Variants in EPHX2 observed in about 807,000 individuals in gnomAD.
EPHX2 encodes the protein epoxide hydrolase 2, also known as bifunctional epoxide hydrolase 2.
EPHX2 carries 74 observed loss-of-function variants against 78.7 expected under a neutral mutation model. The ratio of observed to expected loss-of-function variants is 0.94; its 90% CI spans 0.78 to 1.14. EPHX2 has a LOEUF of 1.14. Ranked by LOEUF, EPHX2 falls within the 50% of genes most tolerant of loss-of-function variation. The probability of loss-of-function intolerance (pLI) is 0.00; values close to 1 mark genes in which losing one functional copy is unlikely to be tolerated. For missense variants in EPHX2, 715 were observed against 702.5 expected, an observed-to-expected ratio of 1.02 and a Z score of -0.20; for synonymous variants, 251 against 255.2, an observed-to-expected ratio of 0.98 and a Z score of 0.16.
At chr8:27,541,652 T>A in intron 16 of EPHX2, 110 bp downstream of exon 16, 1 of 1,120,046 alleles carries the variant, frequency 8.9e-7, no homozygotes, top group Non-Finnish European at 1.3e-6. Context: ...TGGACAGATC[T>A]GCTGGCCACC....
chr8:27,492,774 G>A (rs1429554278), intron 1 of EPHX2: 42 of 162,688 alleles, frequency 2.6e-4, no homozygotes, highest in African/African-American at 2.6e-4. Context: ...CTGATTGTGC[G>A]TTTTACAGAG....
chr8:27,531,742 A>G (rs1165259645), intron 12 of EPHX2, among the ~76,000 whole-genome samples: 4 of 152,198 alleles, frequency 2.6e-5, no homozygotes, highest in Admixed American at 1.3e-4. Flanking sequence ...CCACAAAACA[A>G]TAGCCACAGT....
chr8:27,524,755 C>T (rs1001559628), intron 11 of EPHX2, among the ~76,000 whole-genome samples: 4 of 152,160 alleles, frequency 2.6e-5, no homozygotes, highest in Non-Finnish European at 5.9e-5. Context: ...ATGCCCAGTT[C>T]AGGAATTCCT....
At chr8:27,532,995 A>G (rs1355725325) in intron 12 of EPHX2, among the ~76,000 whole-genome samples, 3 of 152,040 alleles carry the variant, frequency 2.0e-5, no homozygotes, top group Non-Finnish European at 4.4e-5. Context: ...CACACATGTA[A>G]TCCCAGCTCC....
At chr8:27,514,358 C>A (rs1814372646) in intron 6 of EPHX2, among the ~76,000 whole-genome samples, 1 of 152,202 alleles carries the variant, frequency 6.6e-6, no homozygotes, top group Non-Finnish European at 1.5e-5. Flanking sequence ...TTGGAGTCAT[C>A]TAACATACAG....
chr8:27,516,311 G>C lies in EPHX2; in HGVS notation c.832-9G>C, dbSNP rs757105296. The C allele has an allele frequency of 6.2e-7, 1 of 1,613,476 alleles. No homozygotes were observed. Among genetic ancestry groups the C allele is most frequent in the Non-Finnish European group, 8.5e-7 (1 of 1,179,470 alleles). On this transcript the variant is annotated splice_polypyrimidine_tract_variant and intron_variant, in intron 7 of 18. Transcript: ENST00000521400. ...GGACCATGCTGGAGTGTGCCTGTTT[G>C]TTTTCTAGATCCCTGCTCTGGCCCA...
At chr8:27,548,203 C>G (rs1815605381), downstream of EPHX2, among the ~76,000 whole-genome samples, 1 of 152,242 alleles carries the variant, frequency 6.6e-6, no homozygotes, top group African/African-American at 2.4e-5. Context: ...CTATTTCTGT[C>G]TGTCTTGGGG....
chr8:27,540,805 G>A (rs1202661437), intron 15 of EPHX2, 149 bp downstream of exon 15: 20 of 694,474 alleles, frequency 2.9e-5, no homozygotes, highest in Middle Eastern at 3.1e-4. Context: ...CTCCAGTGTC[G>A]GGAGGCTCAC....
chr8:27,530,068 T>TC (rs917298830), intron 12 of EPHX2, among the ~76,000 whole-genome samples: 21 of 74,502 alleles, frequency 2.8e-4, no homozygotes, highest in Non-Finnish European at 4.2e-4. Flanking sequence ...TCTCTCTCTC[T>TC]TTTTTTTTTT....
Position 27,520,925 on chromosome 8 carries a change from G to C in EPHX2, c.972+16G>C, listed in dbSNP as rs1206839316. ...GGATAAACTGGTAAGTCATTATTTT[G>C]AACTGATATCTTTGGAGAATTCCTT... is the stretch of plus-strand genomic sequence containing the variant. On this transcript the variant is annotated intron_variant, in intron 10 of 18. Transcript: ENST00000521400. 4 of 1,613,928 alleles carry C rather than the reference G, an allele frequency of 2.5e-6. No homozygotes were observed. Among genetic ancestry groups the C allele is most frequent in the Non-Finnish European group, 3.4e-6 (4 of 1,179,920 alleles).
At chr8:27,546,431 C>T (rs906382787), downstream of EPHX2, among the ~76,000 whole-genome samples, 27 of 152,166 alleles carry the variant, frequency 1.8e-4, no homozygotes, top group Non-Finnish European at 3.5e-4. Flanking sequence ...TTTCCATTTC[C>T]AGCCATGCCA....
intron 12 of EPHX2, among the ~76,000 whole-genome samples, chr8:27,535,673 T>C (rs1042005606): frequency 7.2e-5 from 11 of 152,122 alleles, no homozygotes; most frequent in Non-Finnish European, 1.6e-4. Context: ...GTAGGATCCA[T>C]GGATGGATCT....
At chr8:27,497,820 G>C (rs1331328978) in intron 1 of EPHX2, among the ~76,000 whole-genome samples, 2 of 152,146 alleles carry the variant, frequency 1.3e-5, no homozygotes, top group Non-Finnish European at 2.9e-5. Context: ...TAGTCCTTCT[G>C]GAAGACAGGT....
At position 27,515,765 on chromosome 8, in the gene EPHX2, G is replaced by A. The variant is rs1439816982; in HGVS notation, c.783G>A (p.Val261=). The A allele has an allele frequency of 1.2e-6, 2 of 1,614,026 alleles. No individual in the cohort carries two copies. The highest frequency in any genetic ancestry group is 3.3e-5 in the Admixed American group (2 of 60,012). Reference sequence around the variant, plus strand: ...TGGAGCTGGGCTCCGGCCCTGCTGTGTGCCTCTGCCATGGATTTCCCGAGA... The same window carrying A: ...TGGAGCTGGGCTCCGGCCCTGCTGTATGCCTCTGCCATGGATTTCCCGAGA... ...HFVELGSGPA[V]CLCHGFPESW... Residue 261 remains valine, a synonymous_variant, in exon 7 of 19, where the codon GTG becomes GTA. Coordinates refer to ENST00000521400, the MANE Select transcript of EPHX2 (RefSeq NM_001979.6).
intron 1 of EPHX2, among the ~76,000 whole-genome samples, chr8:27,491,844 A>G (rs754764035): frequency 4.6e-5 from 7 of 152,320 alleles, no homozygotes; most frequent in Middle Eastern, 3.4e-3. Flanking sequence ...GGTTTCAGCT[A>G]TGGAAAAAAG....
At chr8:27,512,307 C>T (rs929893263) in intron 6 of EPHX2, among the ~76,000 whole-genome samples, 1 of 152,136 alleles carries the variant, frequency 6.6e-6, no homozygotes, top group African/African-American at 2.4e-5. Flanking sequence ...GCTTGGGCAG[C>T]CTGGGAGGCT....
At position 27,491,250 on chromosome 8, in the gene EPHX2, G is replaced by A. The variant is rs1239579820; in HGVS notation, c.42G>A (p.Leu14=). The change falls in exon 1 of 19, where the codon CTG becomes CTA. Residue 14 remains leucine, a synonymous_variant. Coordinates refer to ENST00000521400, the MANE Select transcript of EPHX2 (RefSeq NM_001979.6). ...RAAVFDLDGV[L]ALPAVFGVLG... ...CCGTCTTCGACCTTGACGGGGTGCT[G>A]GCGCTGCCAGCGGTGTTCGGCGTCC... 3 of 1,585,002 alleles carry A rather than the reference G, an allele frequency of 1.9e-6. No homozygotes were observed. The South Asian group carries it at 3.4e-5, about 18-fold the overall frequency.
intron 16 of EPHX2, among the ~76,000 whole-genome samples, chr8:27,542,668 G>A (rs1389332297): frequency 6.6e-6 from 1 of 152,044 alleles, no homozygotes; most frequent in Non-Finnish European, 1.5e-5. Flanking sequence ...TTTTGAGACA[G>A]TCTTGCTCAG....
intron 1 of EPHX2, among the ~76,000 whole-genome samples, chr8:27,493,448 G>C (rs1030032551): frequency 2.3e-4 from 35 of 152,208 alleles, no homozygotes; most frequent in Admixed American, 2.3e-3. Flanking sequence ...GGATTGTAGA[G>C]TAAGGATAGA....
Sources: gnomAD v4.1 joint callset for allele counts (sites outside exome capture counted in the v4.1 genomes callset) on GRCh38, gnomAD v4.1.1 for gene constraint, MANE v1.5 for transcripts, NCBI Gene and HGNC (gene_info 2026-07-23, HGNC 2026-07-21) for gene names.